Variants in PTPRD observed in about 807,000 individuals in gnomAD.
PTPRD encodes receptor-type tyrosine-protein phosphatase delta.
Under a neutral mutation model 214.5 loss-of-function variants are expected in PTPRD, and 34 were observed. The observed-to-expected ratio is 0.16, with a 90% CI of 0.12 to 0.21. The LOEUF (loss-of-function observed/expected upper bound fraction) is 0.21. Ranked by LOEUF, PTPRD falls within the 10% of genes least tolerant of loss-of-function variation. PTPRD has a pLI of 1.00. For synonymous variants in PTPRD, 1,128 were observed against 845.7 expected (o/e 1.33, Z -5.79); for missense variants, 2,545 against 2,398.7 (o/e 1.06, Z -1.27).
chr9:9,124,037 G>A (rs927662030), intron 10 of PTPRD, among the ~76,000 whole-genome samples: 1 of 152,048 alleles, frequency 6.6e-6, no homozygotes, highest in Non-Finnish European at 1.5e-5. Context: ...AGTAGTTTTG[G>A]TAAACTGCCT....
intron 14 of PTPRD, among the ~76,000 whole-genome samples, chr9:8,572,823 T>C (rs537993198): frequency 6.6e-6 from 1 of 152,170 alleles, no homozygotes; most frequent in African/African-American, 2.4e-5. Context: ...TTACTGTGTA[T>C]ACTTGGTGCT....
chr9:9,765,328 G>A (rs940714171), intron 6 of PTPRD, among the ~76,000 whole-genome samples: 3 of 152,052 alleles, frequency 2.0e-5, no homozygotes, highest in Non-Finnish European at 4.4e-5. Flanking sequence ...ACATATAACC[G>A]TATTTCCCCA....
At chr9:8,430,386 T>C (rs67575608) in intron 35 of PTPRD, among the ~76,000 whole-genome samples, 10,238 of 151,726 alleles carry the variant, frequency 0.067, 495 homozygotes, top group African/African-American at 0.13. Flanking sequence ...TCCTCCCACC[T>C]CAGCCTCCTG....
intron 2 of PTPRD, among the ~76,000 whole-genome samples, chr9:10,567,800 T>C (rs1422569125): frequency 6.6e-6 from 1 of 151,838 alleles, no homozygotes; most frequent in African/African-American, 2.4e-5. Context: ...TAATTATGTA[T>C]GTATATAGTT....
intron 2 of PTPRD, among the ~76,000 whole-genome samples, chr9:10,342,802 G>C (rs753076526): frequency 3.3e-5 from 5 of 152,042 alleles, no homozygotes; most frequent in Non-Finnish European, 5.9e-5. Context: ...GATAAATAAT[G>C]TGCTTGTGTG....
At position 9,673,769 on chromosome 9, in the gene PTPRD, A is replaced by G. The variant is rs369540402; in HGVS notation, c.-287+60764T>C. On this transcript the variant is annotated intron_variant, in intron 7 of 45. Transcript: ENST00000381196. ...ACTGTAATAAAACTTCAATGGTAGA[A>G]ATACAGAAACCCCAAAAAGATCAGG... 2.2e-4 allele frequency among the ~76,000 whole-genome samples: 34 copies of G among 151,880 alleles called. No individual in the cohort carries two copies. In the South Asian group the frequency reaches 5.2e-3, roughly 23 times the overall value.
rs554879948 is a variant in PTPRD, at chr9:10,520,959, T to C, written c.-600+91439A>G. ...TTGCCAAGGTGCAAGAAGATTAATGTTGTTTTATGCCCAGTAACACAACAT... is the reference window on the plus strand; with the variant it reads ...TTGCCAAGGTGCAAGAAGATTAATGCTGTTTTATGCCCAGTAACACAACAT... On this transcript the variant is annotated intron_variant, in intron 2 of 45. Coordinates refer to ENST00000381196, the MANE Select transcript of PTPRD (RefSeq NM_002839.4). 8.6e-5 allele frequency among the ~76,000 whole-genome samples: 13 copies of C among 151,748 alleles called. No homozygotes were observed. The South Asian group carries it at 2.7e-3, about 32-fold the overall frequency.
At chr9:9,093,397 C>T (rs766296138) in intron 10 of PTPRD, among the ~76,000 whole-genome samples, 29 of 151,734 alleles carry the variant, frequency 1.9e-4, no homozygotes, top group Non-Finnish European at 3.1e-4. Context: ...ATTCAAATGC[C>T]CAAGAAATAT....
At chr9:9,442,650 G>A (rs2088570396) in intron 8 of PTPRD, among the ~76,000 whole-genome samples, 1 of 152,052 alleles carries the variant, frequency 6.6e-6, no homozygotes, top group Non-Finnish European at 1.5e-5. Flanking sequence ...TGAGTTTGGG[G>A]GATTTAATTA....
At chr9:9,649,018 G>T (rs764170679) in intron 7 of PTPRD, among the ~76,000 whole-genome samples, 1 of 152,120 alleles carries the variant, frequency 6.6e-6, no homozygotes, top group African/African-American at 2.4e-5. Context: ...AGGGGCCTTT[G>T]TGTTGAGGCC....
intron 2 of PTPRD, among the ~76,000 whole-genome samples, chr9:10,372,483 G>A (rs1312319878): frequency 1.2e-4 from 19 of 152,066 alleles, no homozygotes; most frequent in Admixed American, 1.2e-3. Flanking sequence ...TAGTAAAAGA[G>A]TGCCGCCTTG....
chr9:9,332,767 T>C (rs2042827375), intron 9 of PTPRD, among the ~76,000 whole-genome samples: 1 of 151,674 alleles, frequency 6.6e-6, no homozygotes, highest in African/African-American at 2.4e-5. Flanking sequence ...TTTTTTTTGG[T>C]AGTTGTAATG....
intron 2 of PTPRD, among the ~76,000 whole-genome samples, chr9:10,482,142 C>A (rs1018005067): frequency 7.9e-5 from 12 of 152,138 alleles, no homozygotes; most frequent in Non-Finnish European, 1.3e-4. Flanking sequence ...GAGGCCCAGG[C>A]GGGAGAATCA....
chr9:8,520,407 C>T (rs569185223), intron 20 of PTPRD, among the ~76,000 whole-genome samples: 96 of 152,128 alleles, frequency 6.3e-4, no homozygotes, highest in Non-Finnish European at 6.2e-4. Context: ...CTAAGATCAC[C>T]CCCTAGAATG....
rs148548587 is a variant in PTPRD at position 10,070,140 on chromosome 9, C to G, written c.-544-36350G>C. On this transcript the variant is annotated intron_variant, in intron 3 of 45. Coordinates refer to ENST00000381196, the MANE Select transcript of PTPRD (RefSeq NM_002839.4). Reference sequence around the variant, plus strand: ...TACCAACATAGGACTAATATATGGGCCAGTTGGGCACAGAGAGGAAATTGG... The same window carrying G: ...TACCAACATAGGACTAATATATGGGGCAGTTGGGCACAGAGAGGAAATTGG... 7.9e-5 allele frequency among the ~76,000 whole-genome samples: 12 copies of G among 152,104 alleles called. No homozygotes were observed. The East Asian group carries it at 2.3e-3, about 30-fold the overall frequency.
intron 7 of PTPRD, among the ~76,000 whole-genome samples, chr9:9,673,678 A>G (rs1257892280): frequency 6.6e-6 from 1 of 151,684 alleles, no homozygotes; most frequent in Non-Finnish European, 1.5e-5. Flanking sequence ...TTAAAAATCT[A>G]TAGATACAGG....
chr9:9,981,354 A>ATTTTT lies in PTPRD; in HGVS notation c.-471-42749_-471-42745dup, dbSNP rs1555426883. On this transcript the variant is annotated intron_variant, in intron 4 of 45. Transcript: ENST00000381196. Reference sequence around the variant, plus strand: ...TTAAAACATATACTCACATTAAACAATTTTTTTTTTTTTTTTTTAAGACAG... The same window carrying ATTTTT: ...TTAAAACATATACTCACATTAAACAATTTTTTTTTTTTTTTTTTTTTTTAAGACAG... Among the ~76,000 whole-genome samples the ATTTTT allele has an allele frequency of 1.0e-4, 14 of 138,164 alleles. 1 individual carries two copies. The highest frequency in any genetic ancestry group is 6.2e-4 in the East Asian group (3 of 4,816). 90.6% of individuals were successfully genotyped at this position (138,164 alleles called of 152,430 possible).
chr9:9,841,154 AT>A (rs2058238876), intron 5 of PTPRD, among the ~76,000 whole-genome samples: 1 of 152,198 alleles, frequency 6.6e-6, no homozygotes, highest in Non-Finnish European at 1.5e-5. Flanking sequence ...ACCAGTAAAA[AT>A]ATCTAAATTA....
At chr9:9,545,914 C>T (rs1389418484) in intron 8 of PTPRD, among the ~76,000 whole-genome samples, 1 of 151,662 alleles carries the variant, frequency 6.6e-6, no homozygotes, top group Non-Finnish European at 1.5e-5. Context: ...ATTGAGTCTT[C>T]CTATTTATAA....
Sources: allele counts gnomAD v4.1 joint callset (sites outside exome capture counted in the v4.1 genomes callset), GRCh38; gene constraint gnomAD v4.1.1; transcripts MANE v1.5; gene names NCBI Gene and HGNC (gene_info 2026-07-23, HGNC 2026-07-21).